The following NUP54 variants were observed in gnomAD, a reference collection of about 807,000 sequenced individuals.
NUP54 encodes nucleoporin 54.
A neutral mutation model predicts 66.4 loss-of-function variants in NUP54; 27 were observed. The ratio of observed to expected loss-of-function variants is 0.41; its 90% confidence interval spans 0.30 to 0.56. The LOEUF is 0.56. Among genes scored for constraint, NUP54 ranks in the 20% least tolerant of loss-of-function variants. The pLI is 0.34. For synonymous variants in NUP54, 206 were observed against 210.7 expected, an observed-to-expected ratio of 0.98 and a Z score of 0.19; for missense variants, 486 against 596.3, an observed-to-expected ratio of 0.82 and a Z score of 1.93.
intron 9 of NUP54, among the ~76,000 whole-genome samples, chr4:76,118,604 C>T (rs1578662853): frequency 7.1e-6 from 1 of 141,100 alleles, no homozygotes; most frequent in African/African-American, 2.7e-5. Context: ...GTGGCCCAGG[C>T]TGGTCTTGAA....
chr4:76,127,360 A>G (rs1006771745), intron 8 of NUP54, among the ~76,000 whole-genome samples: 2 of 144,788 alleles, frequency 1.4e-5, no homozygotes, highest in Non-Finnish European at 3.0e-5. Context: ...TGAACCCAGG[A>G]GGCGGAGCTT....
intron 9 of NUP54, among the ~76,000 whole-genome samples, chr4:76,123,766 G>A (rs1179829229): frequency 1.3e-5 from 2 of 151,966 alleles, no homozygotes; most frequent in South Asian, 2.1e-4. Context: ...CACTCACCTC[G>A]GCCTCCCAAA....
intron 8 of NUP54, among the ~76,000 whole-genome samples, chr4:76,129,475 A>G (rs946977739): frequency 6.6e-6 from 1 of 152,192 alleles, no homozygotes; most frequent in Admixed American, 6.5e-5. Flanking sequence ...ACTGAGCAAT[A>G]CTATCAACCA....
intron 5 of NUP54, among the ~76,000 whole-genome samples, chr4:76,133,087 G>A (rs1042199748): frequency 4.7e-5 from 7 of 149,806 alleles, no homozygotes; most frequent in Admixed American, 2.7e-4. Context: ...TTTGAGAGAC[G>A]GACACTCGCT....
At chr4:76,140,387 G>A (rs56653729) in intron 3 of NUP54, among the ~76,000 whole-genome samples, 1,861 of 149,966 alleles carry the variant, frequency 0.012, 40 homozygotes, top group African/African-American at 0.043. Flanking sequence ...TGGGGTTCAA[G>A]CAATTCTCAT....
Position 76,115,292 on chromosome 4 carries a change from G to C in NUP54, c.*74C>G, listed in dbSNP as rs563279804. ...GTTTTCTTTTTCCCTCCATGTGGTC[G>C]GTTTCATTCTTAAGGAAGGTCTGAT... On this transcript the variant is annotated 3_prime_UTR_variant, in exon 12 of 12. Coordinates refer to ENST00000264883, the MANE Select transcript of NUP54 (RefSeq NM_017426.4). 57 of 1,291,490 alleles carry C rather than the reference G, an allele frequency of 4.4e-5. No homozygotes were observed. Among genetic ancestry groups the C allele is most frequent in the East Asian group, 5.5e-5 (2 of 36,248 alleles). 80.0% of individuals were successfully genotyped at this position (1,291,490 alleles called of 1,614,324 possible).
intron 9 of NUP54, among the ~76,000 whole-genome samples, chr4:76,123,613 A>G (rs758548657): frequency 5.3e-5 from 8 of 152,034 alleles, no homozygotes; most frequent in Non-Finnish European, 1.0e-4. Flanking sequence ...CCCAGGTTCA[A>G]GCAATTCTCG....
chr4:76,132,451 C>T, intron 6 of NUP54, 72 bp downstream of exon 6: 1 of 1,169,300 alleles, frequency 8.6e-7, no homozygotes, highest in East Asian at 2.5e-5. Flanking sequence ...CCAACCAACA[C>T]CTCTGAAATA....
In NUP54 at chr4:76,130,739, C is replaced by T; in HGVS notation, c.973G>A (p.Val325Ile). ...AGTTCCTTAAAACCCACCATTGGTACAGGAATTAACCTGAAGAAACGCAGT... is the reference window on the plus strand; with the variant it reads ...AGTTCCTTAAAACCCACCATTGGTATAGGAATTAACCTGAAGAAACGCAGT... Reference protein sequence around the residue: ...DNPDSEKLIPVPMVGFKELLR... With the variant: ...DNPDSEKLIPIPMVGFKELLR... The change falls in exon 8 of 12, where the codon GTA becomes ATA. Residue 325 changes from valine to isoleucine, a missense_variant. By Grantham distance (29) the Val-to-Ile change is conservative. Around this residue, in one of 4 missense-constraint regions of NUP54, gnomAD observed 217 missense variants for 247.9 expected, o/e 0.88. Transcript: ENST00000264883. 1 of 1,611,660 alleles carries T rather than the reference C, an allele frequency of 6.2e-7. No individual in the cohort carries two copies. The highest frequency in any genetic ancestry group is 1.3e-5 in the African/African-American group (1 of 75,000).
chr4:76,145,185 G>T (rs1398583518), intron 1 of NUP54, among the ~76,000 whole-genome samples: 2 of 151,768 alleles, frequency 1.3e-5, no homozygotes, highest in African/African-American at 2.4e-5. Context: ...GGGCGTGGCG[G>T]CGGGCGCCTG....
At chr4:76,118,444 G>C in intron 9 of NUP54, 1 of 397,326 alleles carries the variant, frequency 2.5e-6, no homozygotes, top group Non-Finnish European at 4.7e-6. Flanking sequence ...GAAGTGCAGT[G>C]GCGTAAACAC....
intron 9 of NUP54, 79 bp from the exon 10 acceptor site, chr4:76,118,273 T>C (rs948030249): frequency 1.5e-6 from 2 of 1,303,746 alleles, no homozygotes; most frequent in African/African-American, 1.5e-5. Flanking sequence ...AATTAGTTAC[T>C]GAAAGAAATC....
At chr4:76,125,087 C>A (rs193281231) in intron 8 of NUP54, among the ~76,000 whole-genome samples, 49 of 151,868 alleles carry the variant, frequency 3.2e-4, no homozygotes, top group African/African-American at 1.0e-3. Context: ...GTCAGGAGTT[C>A]AAGACCAGCC....
intron 11 of NUP54, among the ~76,000 whole-genome samples, chr4:76,117,199 C>CT (rs1729986928): frequency 6.6e-6 from 1 of 152,176 alleles, no homozygotes; most frequent in Non-Finnish European, 1.5e-5. Flanking sequence ...TGGCTTATTT[C>CT]ATGAAGCATA....
Position 76,117,659 on chromosome 4 carries a change from C to A in NUP54, c.1395+5G>T, listed in dbSNP as rs1247733121. ...TTAAATAATGCAGCCTCATGCAACA[C>A]TTACCTGCTTGATTTCTCGTAACAG... On this transcript the variant is annotated splice_donor_5th_base_variant and intron_variant, in intron 11 of 11. Coordinates refer to ENST00000264883, the MANE Select transcript of NUP54 (RefSeq NM_017426.4). 1.3e-6 allele frequency: 2 copies of A among 1,582,900 alleles called. No homozygotes were observed. The highest frequency in any genetic ancestry group is 2.2e-5 in the South Asian group (2 of 90,288).
chr4:76,126,835 T>A (rs1339664596), intron 8 of NUP54, among the ~76,000 whole-genome samples: 7 of 152,180 alleles, frequency 4.6e-5, no homozygotes, highest in African/African-American at 1.7e-4. Flanking sequence ...TTAATGCAAT[T>A]CCAACCATAA....
At chr4:76,147,613 G>C (rs577627845) in intron 1 of NUP54, 1 of 1,289,772 alleles carries the variant, frequency 7.8e-7, no homozygotes, top group African/African-American at 1.5e-5. Flanking sequence ...ACTGGCGGTG[G>C]AGTTGGCAGT....
Position 76,115,206 on chromosome 4 carries a change from C to A in NUP54, c.*160G>T. 2 of 528,480 alleles carry A rather than the reference C, an allele frequency of 3.8e-6. No homozygotes were observed. The highest frequency in any genetic ancestry group is 3.1e-6 in the Non-Finnish European group (1 of 324,444). 32.7% of individuals were successfully genotyped at this position (528,480 alleles called of 1,614,324 possible). A position where few individuals can be genotyped will look rare whatever the true frequency, so the allele number is the denominator to read the frequency against. On this transcript the variant is annotated 3_prime_UTR_variant, in exon 12 of 12. Coordinates refer to ENST00000264883, the MANE Select transcript of NUP54 (RefSeq NM_017426.4). ...TTGAAGAGCTGTGAGGTGACTATTT[C>A]AGATTTGATGAACAGTAATTTGTCA...
In NUP54 at chr4:76,115,096, T is replaced by A. The variant is rs1229109147; in HGVS notation, c.*270A>T. ...TTAAGAAAATGCTGTTGTAAAAATG[T>A]ACAATAGTACATACAATTTTGGTAA... On this transcript the variant is annotated 3_prime_UTR_variant, in exon 12 of 12. Coordinates refer to ENST00000264883, the MANE Select transcript of NUP54 (RefSeq NM_017426.4). The A allele has an allele frequency of 1.1e-5, 3 of 270,256 alleles. No homozygotes were observed. Among genetic ancestry groups the A allele is most frequent in the Non-Finnish European group, 2.1e-5 (3 of 145,940 alleles). The allele number at this position is 270,256 out of a possible 1,614,324, so 16.7% of individuals were successfully genotyped here. A position where few individuals can be genotyped will look rare whatever the true frequency, so the allele number is the denominator to read the frequency against.
Sources: allele counts gnomAD v4.1 joint callset (sites outside exome capture counted in the v4.1 genomes callset), GRCh38; gene constraint gnomAD v4.1.1; regional missense constraint gnomAD v4.1.1; transcripts MANE v1.5; gene names NCBI Gene and HGNC (gene_info 2026-07-23, HGNC 2026-07-21).